The following EPHB6 variants were observed in gnomAD, a reference collection of about 807,000 sequenced individuals.
EPHB6 encodes the protein ephrin type-B receptor 6.
EPHB6 carries 51 observed loss-of-function variants against 107.0 expected under a neutral mutation model. The observed-to-expected ratio is 0.48, with a 90% CI of 0.38 to 0.60. The LOEUF (loss-of-function observed/expected upper bound fraction) is 0.60. Among genes scored for constraint, EPHB6 ranks in the 20% least tolerant of loss-of-function variants. The pLI is 0.00. For missense variants in EPHB6, 1,141 were observed against 1,355.5 expected, an observed-to-expected ratio of 0.84 and a Z score of 2.48; for synonymous variants, 553 against 549.0, an observed-to-expected ratio of 1.01 and a Z score of -0.10.
chr7:142,856,057 C>T (rs1163014364), intron 1 of EPHB6, among the ~76,000 whole-genome samples: 3 of 152,194 alleles, frequency 2.0e-5, no homozygotes, highest in African/African-American at 7.2e-5. Context: ...TCCTCCCATC[C>T]CTGGGGGAGC....
At chr7:142,865,918 G>A in intron 8 of EPHB6, 42 bp from the exon 9 acceptor site, 1 of 1,595,164 alleles carries the variant, frequency 6.3e-7, no homozygotes, top group East Asian at 2.2e-5. Context: ...CCCCACTGCT[G>A]CCCTCTTGGC....
chr7:142,867,473 G>A lies in EPHB6; in HGVS notation c.1751-135G>A. On this transcript the variant is annotated intron_variant, in intron 11 of 19. Coordinates refer to ENST00000652003, the MANE Select transcript of EPHB6 (RefSeq NM_004445.6). This position sits in a 1 kb window ranked among gnomAD's most constrained non-coding sequence, Gnocchi z 5.3. ...GCGTGTGTGTGTGTTGTGTGTCCCT[G>A]TGCATGGATGTGGGAGGTTTGGGGC... The A allele has an allele frequency of 2.7e-6, 2 of 744,870 alleles. No individual in the cohort carries two copies. Among genetic ancestry groups the A allele is most frequent in the Non-Finnish European group, 4.7e-6 (2 of 423,404 alleles). 46.1% of individuals were successfully genotyped at this position (744,870 alleles called of 1,614,324 possible). A position where few individuals can be genotyped will look rare whatever the true frequency, so the allele number is the denominator to read the frequency against.
At position 142,867,988 on chromosome 7, in the gene EPHB6, G is replaced by A. The variant is rs8177158; in HGVS notation, c.1866-9G>A. On this transcript the variant is annotated splice_polypyrimidine_tract_variant and intron_variant, in intron 12 of 19. Coordinates refer to ENST00000652003, the MANE Select transcript of EPHB6 (RefSeq NM_004445.6). The surrounding 1 kb of genome is among the most constrained non-coding windows in gnomAD (Gnocchi z 5.3). ...GAGCGTCATCCCCAGTCACCGTTTT[G>A]TTCCTCAGGAAGCGGCGTGGGACTG... 0.032 allele frequency: 50,263 copies of A among 1,569,802 alleles called. 1,760 individuals are homozygous for A. Among genetic ancestry groups the A allele is most frequent in the African/African-American group, 0.19 (13,701 of 73,834 alleles).
Position 142,865,985 on chromosome 7 carries a change from T to C in EPHB6, c.1131T>C (p.Leu377=). ...GTCCTCCATCGGCTCCCCAGGAGCT[T>C]TGGTTTGAGGTGCAAGGCTCAGCAC... ...CTGPPSAPQE[L]WFEVQGSALM... Residue 377 remains leucine, a synonymous_variant, in exon 9 of 20, where the codon CTT becomes CTC. Transcript: ENST00000652003. 1 of 1,613,800 alleles carries C rather than the reference T, an allele frequency of 6.2e-7. No individual in the cohort carries two copies. The highest frequency in any genetic ancestry group is 8.5e-7 in the Non-Finnish European group (1 of 1,179,960).
rs185838557 is a variant in EPHB6, at chr7:142,868,463, C to A, written c.2039-29C>A. 39 of 1,614,100 alleles carry A rather than the reference C, an allele frequency of 2.4e-5. No homozygotes were observed. The African/African-American group carries it at 4.0e-4, about 17-fold the overall frequency. The stretch of plus-strand genomic sequence containing the variant: ...CAGCAGGACGCTGTGAGCCTTGATC[C>A]CCACCCCAACCTACACCTATTTTCC... On this transcript the variant is annotated intron_variant, in intron 14 of 19. Coordinates refer to ENST00000652003, the MANE Select transcript of EPHB6 (RefSeq NM_004445.6). This position sits in a 1 kb window ranked among gnomAD's most constrained non-coding sequence, Gnocchi z 4.2.
rs1803102334 is a variant in EPHB6, at chr7:142,865,491, C to G, written c.966C>G (p.Leu322=). 1.2e-6 allele frequency: 2 copies of G among 1,613,242 alleles called. No homozygotes were observed. The highest frequency in any genetic ancestry group is 1.7e-6 in the Non-Finnish European group (2 of 1,180,006). ...DKACQACPRG[L]YKASAGNAPC... ...CCTCCTCAGCCTGCCCACGGGGGCT[C>G]TATAAGGCTTCTGCTGGGAATGCTC... Residue 322 remains leucine, a synonymous_variant, in exon 8 of 20, where the codon CTC becomes CTG. Transcript: ENST00000652003.
At chr7:142,858,687 C>A (rs542764353) in intron 1 of EPHB6, among the ~76,000 whole-genome samples, 19 of 149,768 alleles carry the variant, frequency 1.3e-4, no homozygotes, top group Non-Finnish European at 2.5e-4. Context: ...ATCTTGTGAT[C>A]CGCCCACCTT....
chr7:142,865,404 G>A, intron 7 of EPHB6, 71 bp from the exon 8 acceptor site: 1 of 1,597,908 alleles, frequency 6.3e-7, no homozygotes. Context: ...ATACCTGCCT[G>A]CTGTGTGTTG....
rs746342320 is a variant in EPHB6 at position 142,869,808 on chromosome 7, A to AC, written c.2461-5dup. 3.4e-5 allele frequency: 55 copies of AC among 1,613,994 alleles called. No individual in the cohort carries two copies. Among genetic ancestry groups the AC allele is most frequent in the Non-Finnish European group, 4.5e-5 (53 of 1,180,026 alleles). On this transcript the variant is annotated splice_polypyrimidine_tract_variant and intron_variant, in intron 16 of 19. Transcript: ENST00000652003. This position sits in a 1 kb window ranked among gnomAD's most constrained non-coding sequence, Gnocchi z 4.5. ...ATTATTACTATTTGCTTTTGACTTT[A>AC]CCCCTCAGGGCCCAAGTTGTTTGCT...
chr7:142,856,375 G>A (rs1298292153), intron 1 of EPHB6, among the ~76,000 whole-genome samples: 1 of 152,198 alleles, frequency 6.6e-6, no homozygotes, highest in Non-Finnish European at 1.5e-5. Flanking sequence ...ATTAGCGTGG[G>A]GGTGTCTATG....
Position 142,864,762 on chromosome 7 carries a change from T to C in EPHB6, c.949+13T>C, listed in dbSNP as rs1283336633. 3.9e-5 allele frequency: 63 copies of C among 1,612,572 alleles called. No homozygotes were observed. The highest frequency in any genetic ancestry group is 5.3e-5 in the Non-Finnish European group (62 of 1,180,016). ...AAGGCCTGCCAAGGTGAGAGCCCACTCGTCTTGCACTTGCCCGACACCTCC... is the reference window on the plus strand; with the variant it reads ...AAGGCCTGCCAAGGTGAGAGCCCACCCGTCTTGCACTTGCCCGACACCTCC... On this transcript the variant is annotated intron_variant, in intron 7 of 19. Transcript: ENST00000652003.
At position 142,863,185 on chromosome 7, in the gene EPHB6, A is replaced by G; in HGVS notation, c.-43A>G. The G allele has an allele frequency of 6.5e-7, 1 of 1,545,252 alleles. No homozygotes were observed. Among genetic ancestry groups the G allele is most frequent in the East Asian group, 2.3e-5 (1 of 44,444 alleles). On this transcript the variant is annotated 5_prime_UTR_variant, in exon 5 of 20. Coordinates refer to ENST00000652003, the MANE Select transcript of EPHB6 (RefSeq NM_004445.6). ...AAAAGCTGCAGCCCCACCCAGGAGC[A>G]GGGTGGTGGCTGGGGCGATGGTGGA...
intron 1 of EPHB6, among the ~76,000 whole-genome samples, chr7:142,859,526 C>A (rs1802752841): frequency 6.6e-6 from 1 of 152,148 alleles, no homozygotes; most frequent in Admixed American, 6.5e-5. Context: ...CAGGGGTACA[C>A]CCATATTCTT....
intron 19 of EPHB6, 45 bp downstream of exon 19, chr7:142,870,730 G>A: frequency 6.2e-7 from 1 of 1,614,148 alleles, no homozygotes; most frequent in Non-Finnish European, 8.5e-7. Context: ...CCAGGCCCCT[G>A]GCTGGGGGTC....
chr7:142,866,985 T>C lies in EPHB6; in HGVS notation c.1667T>C (p.Ile556Thr). 2 of 1,613,320 alleles carry C rather than the reference T, an allele frequency of 1.2e-6. No individual in the cohort carries two copies. The highest frequency in any genetic ancestry group is 1.7e-6 in the Non-Finnish European group (2 of 1,179,946). Reference sequence around the variant, plus strand: ...GTGACACAGCTGAGCCCTGGCCACATCTATGGTTTCCAGGTGCGGGCCCGG... The same window carrying C: ...GTGACACAGCTGAGCCCTGGCCACACCTATGGTTTCCAGGTGCGGGCCCGG... ...ATVTQLSPGH[I>T]YGFQVRARTA... is the part of the protein sequence containing the mutation. The change falls in exon 11 of 20, where the codon ATC becomes ACC. Residue 556 changes from isoleucine to threonine, a missense_variant. Physicochemically the swap from Ile to Thr is moderately conservative, Grantham distance 89. This residue lies in a region of EPHB6 where 616 missense variants were observed against 759.3 expected (regional missense o/e 0.81). Transcript: ENST00000652003. The surrounding 1 kb of genome is among the most constrained non-coding windows in gnomAD (Gnocchi z 5.2).
chr7:142,861,361 A>T (rs1405318638), intron 2 of EPHB6, among the ~76,000 whole-genome samples, 175 bp downstream of exon 2: 1 of 152,232 alleles, frequency 6.6e-6, no homozygotes, highest in African/African-American at 2.4e-5. Context: ...TTTTAAAGAA[A>T]ATTTTAATCA....
chr7:142,859,779 C>T (rs894868839), intron 1 of EPHB6, among the ~76,000 whole-genome samples: 2 of 152,188 alleles, frequency 1.3e-5, no homozygotes, highest in African/African-American at 4.8e-5. Context: ...AGTAAAATTT[C>T]AAAAAATTGC....
chr7:142,871,041 C>G lies in EPHB6; in HGVS notation c.*137C>G. ...CTCCCGATGGCTGCATTCCCTGGTC[C>G]TCCGCCTCTCCACCAGCCCCCTCCT... On this transcript the variant is annotated 3_prime_UTR_variant, in exon 20 of 20. Transcript: ENST00000652003. 1 of 822,590 alleles carries G rather than the reference C, an allele frequency of 1.2e-6. No individual in the cohort carries two copies. Among genetic ancestry groups the G allele is most frequent in the Non-Finnish European group, 2.0e-6 (1 of 498,568 alleles). 51.0% of individuals were successfully genotyped at this position (822,590 alleles called of 1,614,324 possible). A position where few individuals can be genotyped will look rare whatever the true frequency, so the allele number is the denominator to read the frequency against.
intron 5 of EPHB6, 71 bp from the exon 6 acceptor site, chr7:142,863,559 TG>T: frequency 6.5e-7 from 1 of 1,544,106 alleles, no homozygotes; most frequent in Non-Finnish European, 8.9e-7. Flanking sequence ...TTGTTCGCGG[TG>T]GGAATAGAGT....
Sources: allele counts gnomAD v4.1 joint callset (sites outside exome capture counted in the v4.1 genomes callset), GRCh38; gene constraint gnomAD v4.1.1; regional missense constraint gnomAD v4.1.1; non-coding constraint Gnocchi (gnomAD v3.1); transcripts MANE v1.5; gene names NCBI Gene and HGNC (gene_info 2026-07-23, HGNC 2026-07-21).